Variants in WDPCP observed in about 807,000 individuals in gnomAD.
WDPCP encodes the protein WD repeat-containing and planar cell polarity effector protein fritz homolog.
In WDPCP, 71 loss-of-function variants were observed where a neutral mutation model predicts 93.1. The ratio of observed to expected loss-of-function variants is 0.76; its 90% CI spans 0.63 to 0.93. The LOEUF (loss-of-function observed/expected upper bound fraction) is 0.93. Among genes scored for constraint, WDPCP ranks in the 40% least tolerant of loss-of-function variants. The pLI, the probability that WDPCP is intolerant of heterozygous loss-of-function variation, is 0.00. For missense variants in WDPCP, 844 were observed against 887.4 expected, an observed-to-expected ratio of 0.95 and a Z score of 0.62; for synonymous variants, 315 against 315.0, an observed-to-expected ratio of 1.00 and a Z score of 0.00.
At chr2:63,213,058 G>C (rs1249632513) in intron 14 of WDPCP, among the ~76,000 whole-genome samples, 1 of 152,170 alleles carries the variant, frequency 6.6e-6, no homozygotes, top group Non-Finnish European at 1.5e-5. Context: ...ACATTAGACA[G>C]ATCCATGAGA....
chr2:63,332,243 T>C (rs936316471), intron 12 of WDPCP, among the ~76,000 whole-genome samples: 25 of 152,032 alleles, frequency 1.6e-4, no homozygotes, highest in South Asian at 6.2e-4. Context: ...GAAATACATA[T>C]ATATGTATGA....
chr2:63,363,286 T>C (rs1690628727), intron 12 of WDPCP, among the ~76,000 whole-genome samples: 1 of 152,142 alleles, frequency 6.6e-6, no homozygotes, highest in African/African-American at 2.4e-5. Context: ...AGGTTTATGT[T>C]ATACGTCCTA....
chr2:63,319,820 C>T (rs1480694488), intron 12 of WDPCP, among the ~76,000 whole-genome samples: 1 of 152,072 alleles, frequency 6.6e-6, no homozygotes, highest in Non-Finnish European at 1.5e-5. Flanking sequence ...TTCTTAAGCA[C>T]AAATGGGATA....
At chr2:63,605,243 C>A in intron 3 of WDPCP, 1 of 1,366,430 alleles carries the variant, frequency 7.3e-7, no homozygotes, top group South Asian at 1.2e-5. Flanking sequence ...CTATCATGAC[C>A]AAGTAATACT....
chr2:63,794,989 A>G (rs1309591685), intron 2 of WDPCP, among the ~76,000 whole-genome samples: 3 of 152,216 alleles, frequency 2.0e-5, no homozygotes, highest in Non-Finnish European at 2.9e-5. Context: ...ACCTGAGGAC[A>G]AAGTCAATAT....
At chr2:63,435,726 TC>T (rs1697093147) in intron 8 of WDPCP, among the ~76,000 whole-genome samples, 1 of 152,064 alleles carries the variant, frequency 6.6e-6, no homozygotes, top group Non-Finnish European at 1.5e-5. Context: ...AAAATATCCT[TC>T]CAATGGACAA....
chr2:63,403,427 G>GT (rs35366476), intron 10 of WDPCP, among the ~76,000 whole-genome samples: 63,245 of 151,538 alleles, frequency 0.42, 13,420 homozygotes, highest in Non-Finnish European at 0.43. Context: ...CTACATAAAA[G>GT]TTAAAAAAAA....
intron 1 of WDPCP, among the ~76,000 whole-genome samples, chr2:63,575,396 A>G (rs1257427175): frequency 1.1e-5 from 1 of 90,296 alleles, no homozygotes. Context: ...CACGGTATAT[A>G]CAGTATATAT....
At chr2:63,717,653 C>A (rs1408315883) in intron 2 of WDPCP, 4 of 514,374 alleles carry the variant, frequency 7.8e-6, no homozygotes, top group South Asian at 1.4e-5. Context: ...CTCAACTGCA[C>A]AAGATTCTGT....
chr2:63,472,532 C>T (rs543000605), intron 6 of WDPCP, among the ~76,000 whole-genome samples: 7 of 151,992 alleles, frequency 4.6e-5, no homozygotes, highest in Non-Finnish European at 7.4e-5. Flanking sequence ...TTTCTATTTA[C>T]GCTGTCATGT....
intron 12 of WDPCP, among the ~76,000 whole-genome samples, chr2:63,361,804 G>A (rs1469936855): frequency 6.6e-6 from 1 of 152,196 alleles, no homozygotes; most frequent in Non-Finnish European, 1.5e-5. Flanking sequence ...AAAGGTTAAA[G>A]CTGTGCTTCT....
intron 6 of WDPCP, chr2:63,440,754 T>G (rs1383255777): frequency 6.6e-6 from 1 of 152,582 alleles, no homozygotes; most frequent in Non-Finnish European, 1.5e-5. Context: ...TGGAATAACA[T>G]ATGGTATAAG....
chr2:63,196,207 A>G (rs754039628), intron 14 of WDPCP, among the ~76,000 whole-genome samples: 3 of 152,234 alleles, frequency 2.0e-5, no homozygotes, highest in Non-Finnish European at 4.4e-5. Context: ...GAAGCAGAGA[A>G]AAGTCCTGAC....
At chr2:63,392,873 A>G (rs1693394784) in intron 10 of WDPCP, among the ~76,000 whole-genome samples, 1 of 152,226 alleles carries the variant, frequency 6.6e-6, no homozygotes, top group Admixed American at 6.5e-5. Flanking sequence ...CGATCATTAA[A>G]AAGTCAGGAA....
At chr2:63,542,242 AT>A (rs530944926) in intron 1 of WDPCP, among the ~76,000 whole-genome samples, 12 of 150,302 alleles carry the variant, frequency 8.0e-5, no homozygotes, top group South Asian at 4.2e-4. Context: ...GGAAGGAAGC[AT>A]TTTTTTTTTC....
chr2:63,810,103 A>C lies in WDPCP; in HGVS notation n.308+3519T>G, dbSNP rs1670840962. Among the ~76,000 whole-genome samples, 3 of 152,322 alleles carry C rather than the reference A, an allele frequency of 2.0e-5. No homozygotes were observed. The South Asian group carries it at 6.2e-4, about 32-fold the overall frequency. Reference sequence around the variant, plus strand: ...TTCAAAAAATAAGCAATATACAAAGAGCACCTAAAGACCTGGTGAACTGCA... The same window carrying C: ...TTCAAAAAATAAGCAATATACAAAGCGCACCTAAAGACCTGGTGAACTGCA... On this transcript the variant is annotated intron_variant and non_coding_transcript_variant, in intron 2 of 4. Transcript: ENST00000467687.
intron 1 of WDPCP, among the ~76,000 whole-genome samples, chr2:63,539,810 C>G (rs921825683): frequency 1.3e-5 from 2 of 152,048 alleles, no homozygotes; most frequent in South Asian, 2.1e-4. Flanking sequence ...GAATGTGAAC[C>G]AATAATTCTA....
intron 13 of WDPCP, among the ~76,000 whole-genome samples, chr2:63,259,801 T>G (rs1251162017): frequency 6.6e-6 from 1 of 152,204 alleles, no homozygotes; most frequent in East Asian, 1.9e-4. Context: ...TAAACAGATT[T>G]GTTGCTGCAT....
intron 15 of WDPCP, among the ~76,000 whole-genome samples, chr2:63,157,016 G>C (rs1469045241): frequency 1.3e-5 from 2 of 149,796 alleles, no homozygotes; most frequent in Admixed American, 1.3e-4. Flanking sequence ...TATAGTTTGA[G>C]GAAGCCCCCT....
Sources: gnomAD v4.1 joint callset for allele counts (sites outside exome capture counted in the v4.1 genomes callset) on GRCh38, gnomAD v4.1.1 for gene constraint, MANE v1.5 for transcripts, NCBI Gene and HGNC (gene_info 2026-07-23, HGNC 2026-07-21) for gene names.